Variants in EPB41L5 observed in about 807,000 individuals in gnomAD.
EPB41L5 encodes the protein erythrocyte membrane protein band 4.1 like 5, also known as band 4.1-like protein 5.
Under a neutral mutation model 106.6 loss-of-function variants are expected in EPB41L5, and 55 were observed. The observed-to-expected ratio is 0.52, with a 90% CI of 0.42 to 0.65. The LOEUF (loss-of-function observed/expected upper bound fraction) is 0.65, where lower values mean the gene tolerates loss of function less well. EPB41L5 is among the 30% of genes least tolerant of loss of function. The probability of loss-of-function intolerance (pLI) is 0.00; values close to 1 mark genes in which losing one functional copy is unlikely to be tolerated. For missense variants in EPB41L5, 871 were observed against 882.1 expected, an observed-to-expected ratio of 0.99 and a Z score of 0.16; for synonymous variants, 297 against 306.7, an observed-to-expected ratio of 0.97 and a Z score of 0.33.
chr2:120,078,967 C>T (rs556267159), intron 10 of EPB41L5, among the ~76,000 whole-genome samples: 1 of 152,308 alleles, frequency 6.6e-6, no homozygotes, highest in African/African-American at 2.4e-5. Flanking sequence ...TTTATCCCTT[C>T]TCTAAGCTGT....
intron 20 of EPB41L5, among the ~76,000 whole-genome samples, chr2:120,159,847 A>T (rs777442863): frequency 3.3e-5 from 5 of 152,218 alleles, no homozygotes; most frequent in Non-Finnish European, 7.3e-5. Flanking sequence ...CTGGATTTTT[A>T]AAATGTGGTA....
chr2:120,091,962 T>G (rs965381039), intron 13 of EPB41L5, among the ~76,000 whole-genome samples: 8 of 152,170 alleles, frequency 5.3e-5, no homozygotes, highest in Non-Finnish European at 1.0e-4. Flanking sequence ...CTTACAGATC[T>G]CATTCTAAAA....
intron 22 of EPB41L5, among the ~76,000 whole-genome samples, chr2:120,166,583 G>A (rs960883437): frequency 2.6e-5 from 4 of 152,000 alleles, no homozygotes; most frequent in Admixed American, 6.5e-5. Context: ...GAGTACAGGC[G>A]CATGCCACCA....
At chr2:120,040,563 G>T (rs755062319) in intron 2 of EPB41L5, among the ~76,000 whole-genome samples, 2 of 152,152 alleles carry the variant, frequency 1.3e-5, no homozygotes, top group African/African-American at 2.4e-5. Context: ...AACATTTTTG[G>T]AGAAAGAACT....
intron 10 of EPB41L5, 109 bp downstream of exon 10, chr2:120,078,690 T>G (rs1196645340): frequency 3.0e-6 from 2 of 662,614 alleles, no homozygotes; most frequent in African/African-American, 3.7e-5. Flanking sequence ...GAAAAACTTG[T>G]CAATGAAAGC....
rs375248219 is a variant in EPB41L5, at chr2:120,154,302, G to A, written c.1794-6579G>A. On this transcript the variant is annotated intron_variant, in intron 20 of 24. Coordinates refer to ENST00000263713, the MANE Select transcript of EPB41L5 (RefSeq NM_020909.4). ...GCCTCCCGAGTAGTTGAGATCACAG[G>A]CATGCACCACCATGCCCGGCTAATT... Among the ~76,000 whole-genome samples the A allele has an allele frequency of 4.0e-5, 6 of 151,786 alleles. No homozygotes were observed. In the East Asian group the frequency reaches 7.8e-4, roughly 20 times the overall value.
intron 7 of EPB41L5, 65 bp downstream of exon 7, chr2:120,075,818 A>G: frequency 7.9e-7 from 1 of 1,271,890 alleles, no homozygotes; most frequent in Non-Finnish European, 1.1e-6. Context: ...GTTTTTAGTT[A>G]AAGAAGATTC....
At chr2:120,115,395 C>G (rs1684900715) in intron 16 of EPB41L5, among the ~76,000 whole-genome samples, 2 of 151,778 alleles carry the variant, frequency 1.3e-5, no homozygotes, top group African/African-American at 4.8e-5. Flanking sequence ...TTTTTTCTTT[C>G]TCTTACTATT....
At chr2:120,116,693 AT>A (rs968596687) in intron 16 of EPB41L5, among the ~76,000 whole-genome samples, 5 of 150,638 alleles carry the variant, frequency 3.3e-5, no homozygotes, top group African/African-American at 1.2e-4. Context: ...TAATTTTTTT[AT>A]TTTTTTTTAT....
intron 1 of EPB41L5, among the ~76,000 whole-genome samples, chr2:120,017,882 C>T (rs1428863711): frequency 2.0e-5 from 3 of 152,058 alleles, no homozygotes; most frequent in Non-Finnish European, 4.4e-5. Context: ...CTGCAAGCTC[C>T]GCCTCCCGGG....
In EPB41L5 at chr2:120,164,909, A is replaced by T. The variant is rs115833267; in HGVS notation, c.1961A>T (p.Gln654Leu). 8,108 of 1,604,580 alleles carry T rather than the reference A, an allele frequency of 5.1e-3. 36 individuals carry two copies. Among genetic ancestry groups the T allele is most frequent in the Non-Finnish European group, 5.7e-3 (6,716 of 1,174,524 alleles). The change falls in exon 22 of 25, where the codon CAG becomes CTG. Residue 654 changes from glutamine to leucine, a missense_variant and splice_region_variant. Gln to Leu is a moderately radical substitution (Grantham distance 113). Coordinates refer to ENST00000263713, the MANE Select transcript of EPB41L5 (RefSeq NM_020909.4). Reference sequence around the variant, plus strand: ...CTAATTGATCACACAGTTGCACCTCAGGTAAATATGCTTTAAAATAGTATG... The same window carrying T: ...CTAATTGATCACACAGTTGCACCTCTGGTAAATATGCTTTAAAATAGTATG... ...ENLIDHTVAP[Q>L]VSSTSMITPR... is the part of the protein sequence containing the mutation.
At chr2:120,113,937 T>G (rs557011230) in intron 16 of EPB41L5, among the ~76,000 whole-genome samples, 7 of 152,334 alleles carry the variant, frequency 4.6e-5, no homozygotes, top group Admixed American at 3.3e-4. Context: ...CTGCTTTTTG[T>G]GAATGATGCT....
chr2:120,064,347 G>C (rs1681297521), intron 3 of EPB41L5, among the ~76,000 whole-genome samples: 1 of 152,214 alleles, frequency 6.6e-6, no homozygotes, highest in Non-Finnish European at 1.5e-5. Flanking sequence ...CTTTGAGCAA[G>C]AGTAGTGGTG....
At chr2:120,052,300 T>A (rs1680341547) in intron 3 of EPB41L5, among the ~76,000 whole-genome samples, 1 of 152,314 alleles carries the variant, frequency 6.6e-6, no homozygotes, top group African/African-American at 2.4e-5. Flanking sequence ...AGTAGATTAA[T>A]CTTGGCACCT....
At chr2:120,173,238 C>T (rs1687766421) in intron 24 of EPB41L5, among the ~76,000 whole-genome samples, 2 of 151,946 alleles carry the variant, frequency 1.3e-5, no homozygotes, top group Admixed American at 6.6e-5. Flanking sequence ...GGTCATATAG[C>T]TGTGCTGAAA....
At chr2:120,155,928 TC>T (rs1313593952) in intron 20 of EPB41L5, among the ~76,000 whole-genome samples, 1 of 152,102 alleles carries the variant, frequency 6.6e-6, no homozygotes, top group Non-Finnish European at 1.5e-5. Context: ...CAATCTGCTG[TC>T]ACCCTGGGCC....
intron 24 of EPB41L5, among the ~76,000 whole-genome samples, chr2:120,168,558 T>C (rs1293190445): frequency 6.6e-6 from 1 of 152,192 alleles, no homozygotes; most frequent in Non-Finnish European, 1.5e-5. Context: ...CTGCACCTGT[T>C]TTACAAAAGA....
chr2:120,143,189 G>C, intron 19 of EPB41L5, 58 bp downstream of exon 19: 3 of 1,455,088 alleles, frequency 2.1e-6, no homozygotes, highest in Non-Finnish European at 1.8e-6. Flanking sequence ...GATGTAGAGA[G>C]TTGCCTTCCC....
chr2:120,085,183 G>C (rs80282316), intron 10 of EPB41L5, among the ~76,000 whole-genome samples: 1 of 152,262 alleles, frequency 6.6e-6, no homozygotes, highest in African/African-American at 2.4e-5. Context: ...TGTTCCTTTG[G>C]AGGGGAGAGG....
Sources: allele counts gnomAD v4.1 joint callset (sites outside exome capture counted in the v4.1 genomes callset), GRCh38; gene constraint gnomAD v4.1.1; transcripts MANE v1.5; gene names NCBI Gene and HGNC (gene_info 2026-07-23, HGNC 2026-07-21).